ITGA8: variants seen among roughly 807,000 people sequenced by gnomAD.
ITGA8 encodes the protein integrin alpha-8.
A neutral mutation model predicts 142.3 loss-of-function variants in ITGA8; 91 were observed. The ratio of observed to expected loss-of-function variants is 0.64; its 90% CI spans 0.54 to 0.76. ITGA8 has a LOEUF of 0.76. Ranked by LOEUF, ITGA8 falls within the 30% of genes least tolerant of loss-of-function variation. The pLI, the probability that ITGA8 is intolerant of heterozygous loss-of-function variation, is 0.00. For synonymous variants in ITGA8, 505 were observed against 485.2 expected (o/e 1.04, Z -0.54); for missense variants, 1,406 against 1,327.7 (o/e 1.06, Z -0.92).
At chr10:15,682,625 C>T (rs534684963) in intron 4 of ITGA8, among the ~76,000 whole-genome samples, 115 of 152,206 alleles carry the variant, frequency 7.6e-4, no homozygotes, top group Non-Finnish European at 1.1e-3. Context: ...AAGGCTGAGG[C>T]GGATGGATCG....
At chr10:15,654,126 G>A (rs1260531964) in intron 11 of ITGA8, among the ~76,000 whole-genome samples, 1 of 152,140 alleles carries the variant, frequency 6.6e-6, no homozygotes, top group African/African-American at 2.4e-5. Flanking sequence ...GTGAGCTACC[G>A]CACCCGGCCC....
intron 19 of ITGA8, 96 bp from the exon 20 acceptor site, chr10:15,604,451 G>T: frequency 1.0e-6 from 1 of 990,968 alleles, no homozygotes; most frequent in South Asian, 1.8e-5. Flanking sequence ...AAGAAAAATG[G>T]CAAGTGCAAA....
rs1274189185 is a variant in ITGA8, at chr10:15,647,036, C to G, written c.1017G>C (p.Leu339=). 7 of 1,613,378 alleles carry G rather than the reference C, an allele frequency of 4.3e-6. No homozygotes were observed. Among genetic ancestry groups the G allele is most frequent in the Non-Finnish European group, 5.9e-6 (7 of 1,179,918 alleles). The change falls in exon 12 of 30, where the codon CTG becomes CTC. Residue 339 remains leucine (L), a synonymous_variant. Transcript: ENST00000378076. ...GTTCCATAAAGAGAGGTGCCCCAAC[C>G]AGGACATCATCCAGTCTGTAAGGAA... The part of the protein sequence containing the change: ...DVNSDGLDDV[L]VGAPLFMERE...
intron 11 of ITGA8, among the ~76,000 whole-genome samples, chr10:15,651,913 T>C (rs969922966): frequency 2.0e-5 from 3 of 152,138 alleles, no homozygotes; most frequent in African/African-American, 7.2e-5. Context: ...TTACATAGCA[T>C]CTAAGTAATT....
At chr10:15,570,279 C>T (rs1208253289) in intron 25 of ITGA8, among the ~76,000 whole-genome samples, 3 of 151,996 alleles carry the variant, frequency 2.0e-5, no homozygotes, top group African/African-American at 4.8e-5. Flanking sequence ...AAGTATTAGC[C>T]TCAGACAGAA....
chr10:15,662,819 A>G (rs1472167818), intron 8 of ITGA8, among the ~76,000 whole-genome samples: 1 of 152,200 alleles, frequency 6.6e-6, no homozygotes, highest in Non-Finnish European at 1.5e-5. Flanking sequence ...AATTGACAGC[A>G]AAGTCAACAT....
chr10:15,612,602 C>T, intron 15 of ITGA8, among the ~76,000 whole-genome samples: 1 of 152,190 alleles, frequency 6.6e-6, no homozygotes, highest in East Asian at 1.9e-4. Context: ...CTTGTACTCC[C>T]TCCAGATGGC....
chr10:15,531,586 C>A (rs1833295929), intron 27 of ITGA8, among the ~76,000 whole-genome samples: 1 of 152,130 alleles, frequency 6.6e-6, no homozygotes, highest in South Asian at 2.1e-4. Context: ...TAATGGGTGA[C>A]AAAATTCTTA....
chr10:15,669,786 C>G (rs921420977), intron 8 of ITGA8, among the ~76,000 whole-genome samples: 1 of 152,156 alleles, frequency 6.6e-6, no homozygotes, highest in Non-Finnish European at 1.5e-5. Flanking sequence ...CACTCCAGAC[C>G]CTGTTTTCCT....
chr10:15,517,030 CCA>C lies in ITGA8; in HGVS notation c.*126_*127del. ...GTGCGGTGTAGATGAGGTGATGTTT[CCA>C]GGGTCCCCTCCATTTCCTGGGTCAC... On this transcript the variant is annotated 3_prime_UTR_variant, in exon 30 of 30. Coordinates refer to ENST00000378076, the MANE Select transcript of ITGA8 (RefSeq NM_003638.3). 1.2e-5 allele frequency: 7 copies of C among 579,440 alleles called. No homozygotes were observed. Among genetic ancestry groups the C allele is most frequent in the Non-Finnish European group, 8.6e-6 (3 of 348,226 alleles). 35.9% of individuals were successfully genotyped at this position (579,440 alleles called of 1,614,324 possible).
rs1832938587 is a variant in ITGA8 at position 15,515,017 on chromosome 10, A to C, written c.*2141T>G. ...CAGTTCCTTCACCAATGTTGGCTTA[A>C]AGACAAGGGGTGCATTTTTTCAGGG... On this transcript the variant is annotated 3_prime_UTR_variant, in exon 30 of 30. Coordinates refer to ENST00000378076, the MANE Select transcript of ITGA8 (RefSeq NM_003638.3). The C allele has an allele frequency of 6.6e-6, 1 of 152,166 alleles. No individual in the cohort carries two copies. Among genetic ancestry groups the C allele is most frequent in the Non-Finnish European group, 1.5e-5 (1 of 68,058 alleles). The allele number at this position is 152,166 out of a possible 1,614,324, so 9.4% of individuals were successfully genotyped here. A position where few individuals can be genotyped will look rare whatever the true frequency, so the allele number is the denominator to read the frequency against.
intron 10 of ITGA8, among the ~76,000 whole-genome samples, chr10:15,657,755 A>G (rs2131667963): frequency 6.6e-6 from 1 of 152,286 alleles, no homozygotes; most frequent in East Asian, 1.9e-4. Flanking sequence ...TAACATGGTT[A>G]GTTTTAAATG....
intron 2 of ITGA8, among the ~76,000 whole-genome samples, chr10:15,694,193 GATA>G (rs891827917): frequency 1.5e-5 from 2 of 137,060 alleles, no homozygotes; most frequent in Non-Finnish European, 3.1e-5. Flanking sequence ...TCATATATAT[GATA>G]ATATATCATA....
At chr10:15,671,199 A>C (rs1834509835) in intron 8 of ITGA8, among the ~76,000 whole-genome samples, 2 of 152,152 alleles carry the variant, frequency 1.3e-5, no homozygotes, top group South Asian at 4.1e-4. Flanking sequence ...GGAAAAAGCA[A>C]GTAAGGTTGG....
chr10:15,653,053 G>C (rs1834117654), intron 11 of ITGA8, among the ~76,000 whole-genome samples: 1 of 152,238 alleles, frequency 6.6e-6, no homozygotes, highest in African/African-American at 2.4e-5. Context: ...GCAGTGACCT[G>C]CACACCTTCA....
At chr10:15,597,118 T>C in intron 21 of ITGA8, 89 bp downstream of exon 21, 2 of 987,690 alleles carry the variant, frequency 2.0e-6, no homozygotes, top group Non-Finnish European at 3.3e-6. Flanking sequence ...AGGTGCTGAG[T>C]TGCTGAGTGG....
intron 10 of ITGA8, among the ~76,000 whole-genome samples, chr10:15,658,280 C>T (rs1222296254): frequency 2.0e-5 from 3 of 152,162 alleles, no homozygotes; most frequent in African/African-American, 7.2e-5. Flanking sequence ...GAAGTCCAGG[C>T]CCTTTTTACA....
intron 6 of ITGA8, among the ~76,000 whole-genome samples, chr10:15,674,983 A>G (rs1233758596): frequency 1.3e-5 from 2 of 152,054 alleles, no homozygotes; most frequent in Non-Finnish European, 2.9e-5. Flanking sequence ...ATCTTTCTCA[A>G]TGACTTTTAA....
intron 8 of ITGA8, 108 bp downstream of exon 8, chr10:15,671,495 A>T: frequency 2.3e-6 from 2 of 859,030 alleles, no homozygotes; most frequent in Non-Finnish European, 3.9e-6. Context: ...CTCCATTAAT[A>T]TCCCTTTGGT....
Sources: allele counts gnomAD v4.1 joint callset (sites outside exome capture counted in the v4.1 genomes callset), GRCh38; gene constraint gnomAD v4.1.1; transcripts MANE v1.5; gene names NCBI Gene and HGNC (gene_info 2026-07-23, HGNC 2026-07-21).